SYT1: variants seen among roughly 807,000 people sequenced by gnomAD.
The protein encoded by SYT1 is synaptotagmin-1.
SYT1 carries 8 observed loss-of-function variants against 44.8 expected under a neutral mutation model. That is an observed-to-expected ratio of 0.18 (90% CI 0.10 to 0.32). The LOEUF (loss-of-function observed/expected upper bound fraction) is 0.32, where lower values mean the gene tolerates loss of function less well. SYT1 is among the 10% of genes least tolerant of loss of function. SYT1 has a pLI of 1.00. For synonymous variants in SYT1, 154 were observed against 188.8 expected, an observed-to-expected ratio of 0.82 and a Z score of 1.51; for missense variants, 286 against 509.3, an observed-to-expected ratio of 0.56 and a Z score of 4.22.
intron 1 of SYT1, among the ~76,000 whole-genome samples, chr12:78,885,926 T>C (rs1480438261): frequency 6.6e-6 from 1 of 152,008 alleles, no homozygotes; most frequent in African/African-American, 2.4e-5. Flanking sequence ...AAAATACATA[T>C]CTATTTTATG....
At chr12:79,318,380 G>A (rs1236787519) in intron 8 of SYT1, among the ~76,000 whole-genome samples, 8 of 152,272 alleles carry the variant, frequency 5.3e-5, no homozygotes, top group East Asian at 1.9e-4. Flanking sequence ...GTTTGTCCTC[G>A]AATGGAACCC....
intron 3 of SYT1, among the ~76,000 whole-genome samples, chr12:79,101,669 TTAGCACTTTGC>T (rs1333882830): frequency 6.6e-6 from 1 of 152,164 alleles, no homozygotes; most frequent in African/African-American, 2.4e-5. Flanking sequence ...ACATGTAATC[TTAGCACTTTGC>T]AAAGTTGAGG....
chr12:79,212,590 T>G (rs1874527643), intron 3 of SYT1, among the ~76,000 whole-genome samples: 1 of 152,198 alleles, frequency 6.6e-6, no homozygotes, highest in African/African-American at 2.4e-5. Context: ...ATAATTTAAT[T>G]GTCTATTCAA....
intron 1 of SYT1, among the ~76,000 whole-genome samples, chr12:78,885,405 A>G (rs2137063537): frequency 6.6e-6 from 1 of 151,720 alleles, no homozygotes; most frequent in Non-Finnish European, 1.5e-5. Context: ...AGGGAGAGAG[A>G]AGGAGGACAG....
At chr12:79,373,546 C>A (rs1242749377) in intron 9 of SYT1, among the ~76,000 whole-genome samples, 2 of 152,062 alleles carry the variant, frequency 1.3e-5, no homozygotes. Flanking sequence ...TAGCAATTCA[C>A]AAGCATAATA....
At chr12:79,442,651 A>C (rs1870493057) in intron 9 of SYT1, among the ~76,000 whole-genome samples, 1 of 152,206 alleles carries the variant, frequency 6.6e-6, no homozygotes, top group African/African-American at 2.4e-5. Context: ...CTGTTTTAGC[A>C]AATTCAAATA....
intron 3 of SYT1, among the ~76,000 whole-genome samples, chr12:79,197,946 T>C (rs1476359307): frequency 6.6e-6 from 1 of 151,980 alleles, no homozygotes; most frequent in Non-Finnish European, 1.5e-5. Context: ...GGAAAGCAAA[T>C]AAAACATCAC....
intron 2 of SYT1, among the ~76,000 whole-genome samples, chr12:78,992,595 G>T (rs1470580051): frequency 6.6e-6 from 1 of 152,152 alleles, no homozygotes; most frequent in African/African-American, 2.4e-5. Context: ...GTGTGTAAAA[G>T]TTTTCCAAAA....
intron 3 of SYT1, among the ~76,000 whole-genome samples, chr12:79,147,248 GC>G (rs774322507): frequency 4.5e-4 from 68 of 151,998 alleles, no homozygotes; most frequent in Non-Finnish European, 8.4e-4. Flanking sequence ...CTTCATATTT[GC>G]TCTCTTCCTC....
At chr12:79,055,296 T>C (rs1874848768) in intron 3 of SYT1, among the ~76,000 whole-genome samples, 1 of 152,022 alleles carries the variant, frequency 6.6e-6, no homozygotes, top group Admixed American at 6.6e-5. Flanking sequence ...TCATTGATAT[T>C]AGTCTTTATT....
At chr12:79,230,763 C>T (rs1412671203) in intron 4 of SYT1, among the ~76,000 whole-genome samples, 1 of 152,072 alleles carries the variant, frequency 6.6e-6, no homozygotes, top group East Asian at 1.9e-4. Flanking sequence ...CAAAAAGCCA[C>T]CAAGTAAATT....
chr12:79,173,479 T>A (rs1408692714), intron 3 of SYT1, among the ~76,000 whole-genome samples: 1 of 152,042 alleles, frequency 6.6e-6, no homozygotes, highest in Non-Finnish European at 1.5e-5. Context: ...TTTTTTCCCC[T>A]TTAGTGCATG....
chr12:79,307,775 A>T (rs1447701520), intron 8 of SYT1, among the ~76,000 whole-genome samples: 3 of 152,214 alleles, frequency 2.0e-5, no homozygotes, highest in Non-Finnish European at 4.4e-5. Context: ...AACGGCATGT[A>T]TGACTTGCAT....
At position 79,375,340 on chromosome 12, in the gene SYT1, G is replaced by A. The variant is rs1593012379; in HGVS notation, c.928+21721G>A. Among the ~76,000 whole-genome samples, 2 of 152,246 alleles carry A rather than the reference G, an allele frequency of 1.3e-5. 1 individual carries two copies. The highest frequency in any genetic ancestry group is 4.2e-4 in the South Asian group (2 of 4,816). ...GCAGGGCAAAGGGATAGGCCAAAAG[G>A]ACAGTGAGAGCTAAGGCCTGGTTGT... On this transcript the variant is annotated intron_variant, in intron 9 of 10. Coordinates refer to ENST00000261205, the MANE Select transcript of SYT1 (RefSeq NM_005639.3).
chr12:78,886,919 C>T (rs1434755645), intron 1 of SYT1, among the ~76,000 whole-genome samples: 5 of 151,916 alleles, frequency 3.3e-5, no homozygotes, highest in Non-Finnish European at 7.4e-5. Context: ...CTGGAAGCCC[C>T]ACCAGTCAGT....
intron 2 of SYT1, among the ~76,000 whole-genome samples, chr12:79,001,144 T>A (rs61928972): frequency 0.052 from 7,887 of 152,214 alleles, 231 homozygotes; most frequent in Admixed American, 0.088. Flanking sequence ...GTTTAAACTT[T>A]CAGTAGCTAA....
chr12:79,121,332 A>G (rs2138134311), intron 3 of SYT1, among the ~76,000 whole-genome samples: 1 of 152,300 alleles, frequency 6.6e-6, no homozygotes, highest in South Asian at 2.1e-4. Flanking sequence ...TTTGTTCTGC[A>G]GGAGTAGATA....
intron 3 of SYT1, among the ~76,000 whole-genome samples, chr12:79,153,612 G>C (rs1349981093): frequency 2.0e-5 from 3 of 152,068 alleles, no homozygotes; most frequent in Non-Finnish European, 4.4e-5. Context: ...AAACTATGCA[G>C]CAATGGTAAC....
chr12:79,280,991 A>G (rs1341017480), intron 4 of SYT1, among the ~76,000 whole-genome samples: 2 of 152,002 alleles, frequency 1.3e-5, no homozygotes. Flanking sequence ...AAAGTAAAAA[A>G]AAAAAAAATA....
Sources: allele counts gnomAD v4.1 joint callset (sites outside exome capture counted in the v4.1 genomes callset), GRCh38; gene constraint gnomAD v4.1.1; transcripts MANE v1.5; gene names NCBI Gene and HGNC (gene_info 2026-07-23, HGNC 2026-07-21).